The following ATG12 variants were observed in gnomAD, a reference collection of about 807,000 sequenced individuals.
The protein encoded by ATG12 is autophagy related 12, also known as ubiquitin-like protein ATG12.
Under a neutral mutation model 17.6 loss-of-function variants are expected in ATG12, and 19 were observed. The observed-to-expected ratio is 1.08, with a 90% CI of 0.75 to 1.58. The LOEUF is 1.58. Among genes scored for constraint, ATG12 ranks in the 40% most tolerant of loss-of-function variants. The pLI is 0.00. For missense variants in ATG12, 214 were observed against 162.0 expected, an observed-to-expected ratio of 1.32 and a Z score of -1.74; for synonymous variants, 75 against 62.4, an observed-to-expected ratio of 1.20 and a Z score of -0.95.
rs1760844776 is a variant in ATG12, at chr5:115,830,935, T to C, written c.*869A>G. 1 of 152,212 alleles carries C rather than the reference T, an allele frequency of 6.6e-6. No individual in the cohort carries two copies. Among genetic ancestry groups the C allele is most frequent in the Non-Finnish European group, 1.5e-5 (1 of 68,026 alleles). The allele number at this position is 152,212 out of a possible 1,614,324, so 9.4% of individuals were successfully genotyped here. A position where few individuals can be genotyped will look rare whatever the true frequency, so the allele number is the denominator to read the frequency against. On this transcript the variant is annotated 3_prime_UTR_variant, in exon 4 of 4. Transcript: ENST00000509910. ...TCAGTAAAAATGGCACTTTTAGTCATGGCATAAAATATACAATAAGGCTAT... is the reference window on the plus strand; with the variant it reads ...TCAGTAAAAATGGCACTTTTAGTCACGGCATAAAATATACAATAAGGCTAT...
At chr5:115,839,785 A>C (rs892231946) in intron 1 of ATG12, among the ~76,000 whole-genome samples, 3 of 152,240 alleles carry the variant, frequency 2.0e-5, no homozygotes, top group African/African-American at 7.2e-5. Flanking sequence ...AGCTGCTTTC[A>C]TCATATTATC....
rs562932111 is a variant in ATG12, at chr5:115,841,382, T to C, written c.163+8A>G. 3.7e-6 allele frequency: 6 copies of C among 1,610,928 alleles called. No individual in the cohort carries two copies. In the East Asian group the frequency reaches 6.7e-5, roughly 18 times the overall value. ...CCCGCCTCTCTGCCCGGAAATAAAT[T>C]CAGTTACTTTTTTTCTTGGTGTCGC... On this transcript the variant is annotated splice_region_variant and intron_variant, in intron 1 of 3. Coordinates refer to ENST00000509910, the MANE Select transcript of ATG12 (RefSeq NM_004707.4).
rs1419257541 is a variant in ATG12, at chr5:115,828,409, G to C, written c.*3395C>G. 1 of 152,156 alleles carries C rather than the reference G, an allele frequency of 6.6e-6. No individual in the cohort carries two copies. The highest frequency in any genetic ancestry group is 1.5e-5 in the Non-Finnish European group (1 of 68,020). The allele number at this position is 152,156 out of a possible 1,614,324, so 9.4% of individuals were successfully genotyped here. A position where few individuals can be genotyped will look rare whatever the true frequency, so the allele number is the denominator to read the frequency against. On this transcript the variant is annotated 3_prime_UTR_variant, in exon 4 of 4. Transcript: ENST00000509910. The stretch of plus-strand genomic sequence containing the variant: ...GGATTTCCCCACAACTCTGCTAATA[G>C]CAAGATGTACATTATTTTTATTGTC...
chr5:115,835,724 AG>A (rs1761067346), intron 2 of ATG12, among the ~76,000 whole-genome samples: 1 of 152,126 alleles, frequency 6.6e-6, no homozygotes, highest in South Asian at 2.1e-4. Context: ...CTTCCCGGTC[AG>A]GATCTATTAG....
intron 1 of ATG12, chr5:115,838,796 A>T (rs549934447): frequency 6.6e-6 from 1 of 152,358 alleles, no homozygotes; most frequent in East Asian, 1.9e-4. Context: ...AAACAAAACA[A>T]ACATACATCT....
intron 2 of ATG12, chr5:115,834,403 G>A (rs761105145): frequency 2.6e-5 from 4 of 152,170 alleles, no homozygotes; most frequent in Non-Finnish European, 4.4e-5. Context: ...GCTAAGTGGC[G>A]TATAATTTGT....
intron 1 of ATG12, 133 bp from the exon 2 acceptor site, chr5:115,837,897 G>T: frequency 1.4e-6 from 1 of 727,242 alleles, no homozygotes; most frequent in Non-Finnish European, 2.0e-6. Flanking sequence ...AGATATGTGA[G>T]AGATGTAAAA....
At chr5:115,833,472 A>G (rs1760969507) in intron 2 of ATG12, 1 of 152,090 alleles carries the variant, frequency 6.6e-6, no homozygotes, top group Non-Finnish European at 1.5e-5. Context: ...CTCTTAGCCA[A>G]TATAGTGTGG....
intron 1 of ATG12, chr5:115,840,729 CG>C: frequency 2.5e-6 from 3 of 1,185,526 alleles, no homozygotes; most frequent in Non-Finnish European, 3.2e-6. Context: ...CTTTAGAACA[CG>C]TAATTTTAGC....
chr5:115,830,058 A>C lies in ATG12; in HGVS notation c.*1746T>G, dbSNP rs1760801104. On this transcript the variant is annotated 3_prime_UTR_variant, in exon 4 of 4. Coordinates refer to ENST00000509910, the MANE Select transcript of ATG12 (RefSeq NM_004707.4). ...CTTGAACCCGGGAGGTAGAGGTTGC[A>C]ATGAGCCAAGATTGTGCCATTACAG... is the stretch of plus-strand genomic sequence containing the variant. 1 of 151,096 alleles carries C rather than the reference A, an allele frequency of 6.6e-6. No homozygotes were observed. The highest frequency in any genetic ancestry group is 2.4e-5 in the African/African-American group (1 of 40,964). 9.4% of individuals were successfully genotyped at this position (151,096 alleles called of 1,614,324 possible). A position where few individuals can be genotyped will look rare whatever the true frequency, so the allele number is the denominator to read the frequency against.
At chr5:115,837,255 T>G (rs1197298436) in intron 2 of ATG12, among the ~76,000 whole-genome samples, 1 of 152,126 alleles carries the variant, frequency 6.6e-6, no homozygotes, top group Non-Finnish European at 1.5e-5. Flanking sequence ...TAACAAGAGA[T>G]AAGGCAGGGC....
Position 115,831,476 on chromosome 5 carries a change from T to C in ATG12, c.*328A>G, listed in dbSNP as rs1760867132. The C allele has an allele frequency of 1.8e-5, 6 of 332,592 alleles. No homozygotes were observed. The South Asian group carries it at 2.8e-4, about 15-fold the overall frequency. The allele number at this position is 332,592 out of a possible 1,614,324, so 20.6% of individuals were successfully genotyped here. ...ACTTTTACCATGAAAACAATTTCAG[T>C]CATTTTGAGAACTGACAATGAAGAT... On this transcript the variant is annotated 3_prime_UTR_variant, in exon 4 of 4. Transcript: ENST00000509910.
chr5:115,834,428 T>C (rs1375806940), intron 2 of ATG12: 1 of 152,240 alleles, frequency 6.6e-6, no homozygotes, highest in Non-Finnish European at 1.5e-5. Flanking sequence ...TTAAAGTACA[T>C]GTAGTTACTC....
chr5:115,834,511 T>TA (rs1260007979), intron 2 of ATG12, among the ~76,000 whole-genome samples: 2 of 152,210 alleles, frequency 1.3e-5, no homozygotes, highest in Admixed American at 1.3e-4. Context: ...CAAAATTAGT[T>TA]AGTTTTATTA....
intron 1 of ATG12, chr5:115,840,576 G>C: frequency 1.6e-6 from 2 of 1,276,922 alleles, no homozygotes; most frequent in Non-Finnish European, 2.0e-6. Flanking sequence ...GGGATTACAG[G>C]AGTGAGCCAC....
At chr5:115,837,165 G>GT (rs1262850323) in intron 2 of ATG12, among the ~76,000 whole-genome samples, 1 of 152,114 alleles carries the variant, frequency 6.6e-6, no homozygotes, top group African/African-American at 2.4e-5. Flanking sequence ...ACATAAACTG[G>GT]TTCACATTGT....
intron 1 of ATG12, 111 bp from the exon 2 acceptor site, chr5:115,837,875 T>A: frequency 1.2e-6 from 1 of 861,998 alleles, no homozygotes; most frequent in Non-Finnish European, 1.7e-6. Context: ...TCTTACGTAT[T>A]TATGATACTG....
chr5:115,834,260 G>GT (rs1181543040), intron 2 of ATG12: 1 of 152,178 alleles, frequency 6.6e-6, no homozygotes, highest in East Asian at 1.9e-4. Flanking sequence ...ATGTGATTTT[G>GT]TAACAGGTGT....
In ATG12 at chr5:115,829,090, T is replaced by C. The variant is rs149362454; in HGVS notation, c.*2714A>G. The C allele has an allele frequency of 3.9e-5, 6 of 152,340 alleles. No homozygotes were observed. The highest frequency in any genetic ancestry group is 1.4e-4 in the African/African-American group (6 of 41,580). The allele number at this position is 152,340 out of a possible 1,614,324, so 9.4% of individuals were successfully genotyped here. On this transcript the variant is annotated 3_prime_UTR_variant, in exon 4 of 4. Coordinates refer to ENST00000509910, the MANE Select transcript of ATG12 (RefSeq NM_004707.4). ...AAATAATGTAGGCAGAGTATTTATA[T>C]AAATACGATTTGAACTGTATTCAAA... is the stretch of plus-strand genomic sequence containing the variant.
Sources: allele counts gnomAD v4.1 joint callset (sites outside exome capture counted in the v4.1 genomes callset), GRCh38; gene constraint gnomAD v4.1.1; transcripts MANE v1.5; gene names NCBI Gene and HGNC (gene_info 2026-07-23, HGNC 2026-07-21).